The following SLFN5 variants were observed in gnomAD, a reference collection of about 807,000 sequenced individuals.
The protein encoded by SLFN5 is schlafen family member 5.
Under a neutral mutation model 48.5 loss-of-function variants are expected in SLFN5, and 34 were observed. The observed-to-expected ratio is 0.70, with a 90% CI of 0.53 to 0.93. The LOEUF is 0.93. Ranked by LOEUF, SLFN5 falls within the 40% of genes least tolerant of loss-of-function variation. The pLI is 0.00. For synonymous variants in SLFN5, 387 were observed against 396.2 expected (o/e 0.98, Z 0.28); for missense variants, 1,006 against 1,071.3 (o/e 0.94, Z 0.85).
chr17:35,264,560 G>C lies in SLFN5; in HGVS notation c.1516G>C (p.Val506Leu). 3.1e-6 allele frequency: 5 copies of C among 1,614,148 alleles called. No individual in the cohort carries two copies. The highest frequency in any genetic ancestry group is 4.2e-6 in the Non-Finnish European group (5 of 1,180,030). Residue 506 changes from valine (V) to leucine (L), a missense_variant, in exon 4 of 5, where the codon GTT becomes CTT. Transcript: ENST00000299977. ...VLNSDRKAQS[V>L]YSSYLQIYPE... ...GAATTCTGATAGAAAAGCACAGAGC[G>C]TTTACAGTTCGTATTTACAAATTTA...
At chr17:35,252,191 A>G (rs1488470989) in intron 1 of SLFN5, among the ~76,000 whole-genome samples, 1 of 152,158 alleles carries the variant, frequency 6.6e-6, no homozygotes, top group Non-Finnish European at 1.5e-5. Context: ...GCACTTTAAG[A>G]GGCTGAGGCA....
rs779478207 is a variant in SLFN5 at position 35,264,598 on chromosome 17, T to C, written c.1554T>C (p.Tyr518=). The C allele has an allele frequency of 1.9e-6, 3 of 1,614,204 alleles. No individual in the cohort carries two copies. The highest frequency in any genetic ancestry group is 2.2e-5 in the South Asian group (2 of 91,086). Residue 518 remains tyrosine, a synonymous_variant, in exon 4 of 5, where the codon TAT becomes TAC. Transcript: ENST00000299977. ...SSYLQIYPES[Y]NFMTPQHMEA... is the part of the protein sequence containing the mutation. ...ATTTACAAATTTACCCTGAATCCTA[T>C]AACTTCATGACCCCCCAGCACATGG...
At position 35,271,156 on chromosome 17, in the gene SLFN5, T is replaced by C. The variant is rs564084521; in HGVS notation, c.*5268T>C. ...CATTCAGAGTCGAGGGCAAAATAAA[T>C]AGATTTTCTGACTTGGAACAAGTAG... On this transcript the variant is annotated 3_prime_UTR_variant, in exon 5 of 5. Coordinates refer to ENST00000299977, the MANE Select transcript of SLFN5 (RefSeq NM_144975.4). The C allele has an allele frequency of 2.6e-5, 4 of 152,288 alleles. No homozygotes were observed. The East Asian group carries it at 7.7e-4, about 29-fold the overall frequency. 9.4% of individuals were successfully genotyped at this position (152,288 alleles called of 1,614,324 possible).
intron 1 of SLFN5, among the ~76,000 whole-genome samples, chr17:35,252,733 G>C (rs1364362163): frequency 1.3e-5 from 2 of 151,766 alleles, no homozygotes; most frequent in Non-Finnish European, 2.9e-5. Context: ...AGTTGTTTCA[G>C]ACAGGAGAGT....
At chr17:35,250,527 G>T (rs1222778707) in intron 1 of SLFN5, among the ~76,000 whole-genome samples, 1 of 152,142 alleles carries the variant, frequency 6.6e-6, no homozygotes, top group Non-Finnish European at 1.5e-5. Flanking sequence ...AGGCGTGGTG[G>T]CGGGCGCCTG....
rs998818927 is a variant in SLFN5 at position 35,266,837 on chromosome 17, G to C, written c.*949G>C. The C allele has an allele frequency of 1.3e-5, 2 of 152,160 alleles. No individual in the cohort carries two copies. Among genetic ancestry groups the C allele is most frequent in the Non-Finnish European group, 2.9e-5 (2 of 68,034 alleles). 9.4% of individuals were successfully genotyped at this position (152,160 alleles called of 1,614,324 possible). A position where few individuals can be genotyped will look rare whatever the true frequency, so the allele number is the denominator to read the frequency against. ...GTTAGCTAGTCTTTCAAAAGCCATT[G>C]CTACAAAAGTGCAAATTTCTCATTT... On this transcript the variant is annotated 3_prime_UTR_variant, in exon 5 of 5. Transcript: ENST00000299977.
chr17:35,272,529 G>T lies in SLFN5; in HGVS notation c.*6641G>T, dbSNP rs1047716311. The T allele has an allele frequency of 1.3e-5, 2 of 151,934 alleles. No individual in the cohort carries two copies. Among genetic ancestry groups the T allele is most frequent in the Non-Finnish European group, 2.9e-5 (2 of 67,982 alleles). 9.4% of individuals were successfully genotyped at this position (151,934 alleles called of 1,614,324 possible). ...ATGGCCCTCAATCAGAAACCAGGAAGGAAAATATTGACTATTTTAAACAAA... is the reference window on the plus strand; with the variant it reads ...ATGGCCCTCAATCAGAAACCAGGAATGAAAATATTGACTATTTTAAACAAA... On this transcript the variant is annotated 3_prime_UTR_variant, in exon 5 of 5. Transcript: ENST00000299977.
In SLFN5 at chr17:35,266,491, G is replaced by A. The variant is rs1597657296; in HGVS notation, c.*603G>A. The A allele has an allele frequency of 6.6e-6, 1 of 152,120 alleles. No homozygotes were observed. The highest frequency in any genetic ancestry group is 1.9e-4 in the East Asian group (1 of 5,192). The allele number at this position is 152,120 out of a possible 1,614,324, so 9.4% of individuals were successfully genotyped here. ...ACATTATATTACTTTATTATTTTCT[G>A]CTTTTTCTTTTAACGACATTAGTGT... On this transcript the variant is annotated 3_prime_UTR_variant, in exon 5 of 5. Transcript: ENST00000299977.
At position 35,259,600 on chromosome 17, in the gene SLFN5, G is replaced by A. The variant is rs2142699644; in HGVS notation, c.910G>A (p.Ala304Thr). The change falls in exon 2 of 5, where the codon GCG becomes ACG. Residue 304 changes from alanine to threonine, a missense_variant. Physicochemically the swap from Ala to Thr is moderately conservative, Grantham distance 58. Transcript: ENST00000299977. ...CAIKVEKFCC[A>T]VFAKVPSSWQ... ...AATCAAGGTGGAGAAATTCTGCTGT[G>A]CGGTGTTTGCCAAAGTGCCTAGTTC... The A allele has an allele frequency of 6.2e-7, 1 of 1,610,774 alleles. No individual in the cohort carries two copies. The highest frequency in any genetic ancestry group is 1.3e-5 in the African/African-American group (1 of 75,030).
chr17:35,267,511 G>C lies in SLFN5; in HGVS notation c.*1623G>C, dbSNP rs896341271. The C allele has an allele frequency of 1.3e-5, 2 of 152,094 alleles. No individual in the cohort carries two copies. Among genetic ancestry groups the C allele is most frequent in the Non-Finnish European group, 2.9e-5 (2 of 68,056 alleles). The allele number at this position is 152,094 out of a possible 1,614,324, so 9.4% of individuals were successfully genotyped here. A position where few individuals can be genotyped will look rare whatever the true frequency, so the allele number is the denominator to read the frequency against. On this transcript the variant is annotated 3_prime_UTR_variant, in exon 5 of 5. Transcript: ENST00000299977. The stretch of plus-strand genomic sequence containing the variant: ...GTTCAAGACCAGCTTGAGCAATATA[G>C]TGAGACCCTGTCTCTACAAAAACAA...
Position 35,265,728 on chromosome 17 carries a change from A to G in SLFN5, c.2516A>G (p.His839Arg). The G allele has an allele frequency of 6.2e-7, 1 of 1,614,226 alleles. No individual in the cohort carries two copies. The highest frequency in any genetic ancestry group is 8.5e-7 in the Non-Finnish European group (1 of 1,180,030). ...GATGCGTCGGATGTTCTAACCGATC[A>G]CATTGTGTTGGACAGTGTCTGTCGA... The part of the protein sequence containing the change: ...IGDASDVLTD[H>R]IVLDSVCRFS... The change falls in exon 5 of 5, where the codon CAC becomes CGC. Residue 839 changes from histidine (H) to arginine (R), a missense_variant. His to Arg is a conservative substitution (Grantham distance 29). Transcript: ENST00000299977.
chr17:35,259,128 T>C lies in SLFN5; in HGVS notation c.438T>C (p.Asn146=). ...AATGCAGGACTCAGACTCCAACGAA[T>C]ATTAATGTTTCCAATTCATTAGGTC... is the stretch of plus-strand genomic sequence containing the variant. ...FLKCRTQTPT[N]INVSNSLGPQ... Residue 146 remains asparagine (N), a synonymous_variant, in exon 2 of 5, where the codon AAT becomes AAC. Coordinates refer to ENST00000299977, the MANE Select transcript of SLFN5 (RefSeq NM_144975.4). The C allele has an allele frequency of 6.2e-7, 1 of 1,614,182 alleles. No individual in the cohort carries two copies. Among genetic ancestry groups the C allele is most frequent in the Non-Finnish European group, 8.5e-7 (1 of 1,180,026 alleles).
Position 35,268,524 on chromosome 17 carries a change from C to T in SLFN5, c.*2636C>T, listed in dbSNP as rs1232985225. The stretch of plus-strand genomic sequence containing the variant: ...CTGAGGTCAGGAGTTCAAGTCCAGC[C>T]TGGCCAACGTGGTGAAATCCTGTCT... On this transcript the variant is annotated 3_prime_UTR_variant, in exon 5 of 5. Transcript: ENST00000299977. 1 of 152,248 alleles carries T rather than the reference C, an allele frequency of 6.6e-6. No homozygotes were observed. Among genetic ancestry groups the T allele is most frequent in the African/African-American group, 2.4e-5 (1 of 41,432 alleles). The allele number at this position is 152,248 out of a possible 1,614,324, so 9.4% of individuals were successfully genotyped here. A position where few individuals can be genotyped will look rare whatever the true frequency, so the allele number is the denominator to read the frequency against.
At chr17:35,262,206 C>G (rs974492373) in intron 3 of SLFN5, among the ~76,000 whole-genome samples, 2 of 151,668 alleles carry the variant, frequency 1.3e-5, no homozygotes, top group African/African-American at 4.8e-5. Context: ...CAGTGAAACC[C>G]TGTCTCTACT....
chr17:35,264,207 C>T lies in SLFN5; in HGVS notation c.1163C>T (p.Thr388Ile). ...GTATTTTCAGACAGAGTGGTATATA[C>T]TCCAGAAAGCCTCTACAAGGAACTC... Reference protein sequence around the residue: ...FPVFSDRVVYTPESLYKELFS... With the variant: ...FPVFSDRVVYIPESLYKELFS... Residue 388 changes from threonine to isoleucine, a missense_variant, in exon 4 of 5, where the codon ACT becomes ATT. Transcript: ENST00000299977. The T allele has an allele frequency of 1.2e-6, 2 of 1,610,714 alleles. No homozygotes were observed. The highest frequency in any genetic ancestry group is 1.7e-5 in the Admixed American group (1 of 59,654).
chr17:35,262,244 G>A (rs891716658), intron 3 of SLFN5, among the ~76,000 whole-genome samples: 2 of 151,766 alleles, frequency 1.3e-5, no homozygotes, highest in Non-Finnish European at 2.9e-5. Context: ...GCTGGGTGTG[G>A]TGGCATGCGC....
In SLFN5 at chr17:35,265,719, T is replaced by C. The variant is rs1904662680; in HGVS notation, c.2507T>C (p.Leu836Pro). ...LLQIGDASDVLTDHIVLDSVC... is the reference protein window; with the variant it reads ...LLQIGDASDVPTDHIVLDSVC... ...CAGATCGGTGATGCGTCGGATGTTCTAACCGATCACATTGTGTTGGACAGT... is the reference window on the plus strand; with the variant it reads ...CAGATCGGTGATGCGTCGGATGTTCCAACCGATCACATTGTGTTGGACAGT... Residue 836 changes from leucine to proline, a missense_variant, in exon 5 of 5, where the codon CTA becomes CCA. Transcript: ENST00000299977. 1 of 1,614,122 alleles carries C rather than the reference T, an allele frequency of 6.2e-7. No homozygotes were observed. The highest frequency in any genetic ancestry group is 1.3e-5 in the African/African-American group (1 of 74,950).
Position 35,265,699 on chromosome 17 carries a change from C to G in SLFN5, c.2487C>G (p.Ile829Met), listed in dbSNP as rs772311259. 6.2e-7 allele frequency: 1 copy of G among 1,614,154 alleles called. No homozygotes were observed. ...AGGAGTCTGATCTGTTACTACAGAT[C>G]GGTGATGCGTCGGATGTTCTAACCG... ...LHEESDLLLQ[I>M]GDASDVLTDH... The change falls in exon 5 of 5, where the codon ATC becomes ATG. Residue 829 changes from isoleucine (I) to methionine (M), a missense_variant. Transcript: ENST00000299977.
intron 1 of SLFN5, among the ~76,000 whole-genome samples, chr17:35,246,760 C>A (rs910334460): frequency 4.0e-5 from 6 of 151,546 alleles, no homozygotes; most frequent in African/African-American, 1.5e-4. Context: ...GAGGCTGAGG[C>A]AGGAGAATCG....
Sources: allele counts gnomAD v4.1 joint callset (sites outside exome capture counted in the v4.1 genomes callset), GRCh38; gene constraint gnomAD v4.1.1; transcripts MANE v1.5; gene names NCBI Gene and HGNC (gene_info 2026-07-23, HGNC 2026-07-21).